The following MAGT1 variants were observed in gnomAD, a reference collection of about 807,000 sequenced individuals.
The protein encoded by MAGT1 is dolichyl-diphosphooligosaccharide--protein glycosyltransferase subunit MAGT1.
MAGT1 carries 4 observed loss-of-function variants against 28.4 expected under a neutral mutation model. The ratio of observed to expected loss-of-function variants is 0.14; its 90% CI spans 0.07 to 0.32. The LOEUF is 0.32. Among genes scored for constraint, MAGT1 ranks in the 10% least tolerant of loss-of-function variants. MAGT1 has a pLI of 1.00. For synonymous variants in MAGT1, 89 were observed against 89.7 expected, an observed-to-expected ratio of 0.99 and a Z score of 0.04; for missense variants, 193 against 264.5, an observed-to-expected ratio of 0.73 and a Z score of 1.88.
intron 7 of MAGT1, among the ~76,000 whole-genome samples, chrX:77,853,682 C>T (rs1450264828): frequency 8.9e-6 from 1 of 111,924 alleles, no homozygotes; most frequent in Non-Finnish European, 1.9e-5. Flanking sequence ...TACAGTATTC[C>T]TCATATTAAT....
intron 3 of MAGT1, among the ~76,000 whole-genome samples, chrX:77,860,015 C>G (rs1225250084): frequency 1.1e-4 from 12 of 112,381 alleles, no homozygotes; most frequent in African/African-American, 3.9e-4. Context: ...TTATCATTAT[C>G]ATACTATTAA....
chrX:77,855,316 A>G (rs1310861293), intron 6 of MAGT1, among the ~76,000 whole-genome samples, 185 bp downstream of exon 6: 3 of 111,425 alleles, frequency 2.7e-5, no homozygotes, highest in African/African-American at 9.8e-5. Context: ...TCCGTTTCGA[A>G]AAAAAGAAGA....
intron 2 of MAGT1, among the ~76,000 whole-genome samples, chrX:77,872,422 T>C (rs1267479254): frequency 8.9e-6 from 1 of 112,230 alleles, no homozygotes; most frequent in Non-Finnish European, 1.9e-5. Flanking sequence ...GAAATCACTG[T>C]TGCTTTCTTA....
At chrX:77,883,230 TAGC>T (rs1331015847) in intron 1 of MAGT1, among the ~76,000 whole-genome samples, 1 of 105,285 alleles carries the variant, frequency 9.5e-6, no homozygotes, top group East Asian at 2.9e-4. Flanking sequence ...TGTGTCTTTA[TAGC>T]AGCATGATTT....
intron 8 of MAGT1, among the ~76,000 whole-genome samples, chrX:77,832,914 A>G (rs782190975): frequency 1.9e-4 from 21 of 109,993 alleles, no homozygotes; most frequent in Non-Finnish European, 3.2e-4. Context: ...TGCCTTTTCT[A>G]ATTGTTACAC....
intron 3 of MAGT1, among the ~76,000 whole-genome samples, chrX:77,866,862 A>G (rs2077009767): frequency 1.5e-5 from 1 of 66,050 alleles, no homozygotes; most frequent in Non-Finnish European, 4.1e-5. Flanking sequence ...GATATTTTGC[A>G]GACTCTGCAC....
chrX:77,876,150 ATATATATATATATATTTT>A (rs1180052268), intron 1 of MAGT1, among the ~76,000 whole-genome samples: 1 of 29,981 alleles, frequency 3.3e-5, no homozygotes, highest in Non-Finnish European at 6.1e-5. Flanking sequence ...ATATATATAT[ATATATATATATATATTTT>A]TTTTTTTTTT....
chrX:77,879,686 T>A (rs1468186283), intron 1 of MAGT1, among the ~76,000 whole-genome samples: 2 of 111,052 alleles, frequency 1.8e-5, no homozygotes, highest in Non-Finnish European at 3.8e-5. Context: ...AAATTTATAA[T>A]CAGTGAAATT....
At chrX:77,883,922 G>A (rs781931655) in intron 1 of MAGT1, among the ~76,000 whole-genome samples, 1 of 111,295 alleles carries the variant, frequency 9.0e-6, no homozygotes, top group South Asian at 3.7e-4. Flanking sequence ...GCTGGGAGTG[G>A]TGGCTCATAC....
At chrX:77,886,055 C>T (rs2077067263) in intron 1 of MAGT1, among the ~76,000 whole-genome samples, 1 of 111,155 alleles carries the variant, frequency 9.0e-6, no homozygotes, top group Non-Finnish European at 1.9e-5. Flanking sequence ...ACTCCTGGCC[C>T]CAATAGACAC....
rs868967460 is a variant in MAGT1, at chrX:77,834,270, G to T, written c.902-3375C>A. 2.6e-5 allele frequency among the ~76,000 whole-genome samples: 2 copies of T among 77,021 alleles called. 1 individual carries two copies. The highest frequency in any genetic ancestry group is 5.4e-5 in the Non-Finnish European group (2 of 37,215). 66.9% of individuals were successfully genotyped at this position (77,021 alleles called of 115,157 possible). The stretch of plus-strand genomic sequence containing the variant: ...CATATATATACATGTGTGTATATAT[G>T]CATATATGTATATATATGCATATAT... On this transcript the variant is annotated intron_variant, in intron 8 of 9. Coordinates refer to ENST00000618282, the MANE Select transcript of MAGT1 (RefSeq NM_001367916.1).
chrX:77,855,621 T>C lies in MAGT1; in HGVS notation c.673-31A>G, dbSNP rs370149695. Reference sequence around the variant, plus strand: ...AAACAAAAAAATAATAAAATATTCATGGTCAAACTGTTCTTGTCTTGATTA... The same window carrying C: ...AAACAAAAAAATAATAAAATATTCACGGTCAAACTGTTCTTGTCTTGATTA... On this transcript the variant is annotated intron_variant, in intron 5 of 9. Transcript: ENST00000618282. 3.9e-6 allele frequency: 4 copies of C among 1,024,980 alleles called. No homozygotes were observed. The African/African-American group carries it at 5.6e-5, about 14-fold the overall frequency. 84.5% of individuals were successfully genotyped at this position (1,024,980 alleles called of 1,213,427 possible).
At chrX:77,839,017 G>A (rs185294934) in intron 8 of MAGT1, among the ~76,000 whole-genome samples, 1 of 109,863 alleles carries the variant, frequency 9.1e-6, no homozygotes, top group Admixed American at 9.9e-5. Context: ...AAATTACAAT[G>A]AAATGGCTGG....
chrX:77,893,461 A>C (rs2077089716), intron 1 of MAGT1, among the ~76,000 whole-genome samples: 1 of 111,785 alleles, frequency 8.9e-6, no homozygotes. Flanking sequence ...TATACAATTC[A>C]GTGCTGATTC....
Position 77,830,893 on chromosome X carries a change from T to C in MAGT1, c.904A>G (p.Met302Val), listed in dbSNP as rs890032923. 14 of 1,093,069 alleles carry C rather than the reference T, an allele frequency of 1.3e-5. No homozygotes were observed. Among genetic ancestry groups the C allele is most frequent in the Non-Finnish European group, 1.7e-5 (14 of 814,453 alleles). The allele number at this position is 1,093,069 out of a possible 1,213,427, so 90.1% of individuals were successfully genotyped here. A position where few individuals can be genotyped will look rare whatever the true frequency, so the allele number is the denominator to read the frequency against. Residue 302 changes from methionine to valine, a missense_variant and splice_region_variant, in exon 9 of 10, where the codon ATG becomes GTG. Coordinates refer to ENST00000618282, the MANE Select transcript of MAGT1 (RefSeq NM_001367916.1). ...ACAAGTCCAATACCAGCCACACACATTACTGCAGAAAAATAAAAGGAGAGT... is the reference window on the plus strand; with the variant it reads ...ACAAGTCCAATACCAGCCACACACACTACTGCAGAAAAATAAAAGGAGAGT... Reference protein sequence around the residue: ...SDMDIGKRKIMCVAGIGLVVL... With the variant: ...SDMDIGKRKIVCVAGIGLVVL...
chrX:77,895,060 G>A (rs1050020832), intron 1 of MAGT1, among the ~76,000 whole-genome samples: 1 of 111,186 alleles, frequency 9.0e-6, no homozygotes, highest in Non-Finnish European at 1.9e-5. Context: ...AAAACTCATA[G>A]CTATGCACAT....
At chrX:77,868,595 C>A (rs1557217054) in intron 3 of MAGT1, 1 of 254,345 alleles carries the variant, frequency 3.9e-6, no homozygotes, top group Non-Finnish European at 7.6e-6. Flanking sequence ...CGAGATCAAG[C>A]CACTGCACTC....
At chrX:77,892,409 C>G in intron 1 of MAGT1, among the ~76,000 whole-genome samples, 1 of 111,833 alleles carries the variant, frequency 8.9e-6, no homozygotes. Flanking sequence ...GGAGGAAAAA[C>G]TAAATCATCT....
Position 77,857,447 on chromosome X carries a change from T to C in MAGT1, c.441A>G (p.Lys147=). ...ACTCATATGTATCACCCCGTTTGGGTTTCCCTTTTGCAGGAAAGTTGATGA... is the reference window on the plus strand; with the variant it reads ...ACTCATATGTATCACCCCGTTTGGGCTTCCCTTTTGCAGGAAAGTTGATGA... The part of the protein sequence containing the change: ...PTFINFPAKG[K]PKRGDTYELQ... Residue 147 remains lysine (K), a synonymous_variant, in exon 4 of 10, where the codon AAA becomes AAG. Transcript: ENST00000618282. 1 of 1,211,809 alleles carries C rather than the reference T, an allele frequency of 8.3e-7. No individual in the cohort carries two copies. The highest frequency in any genetic ancestry group is 1.1e-6 in the Non-Finnish European group (1 of 895,415).
Sources: allele counts gnomAD v4.1 joint callset (sites outside exome capture counted in the v4.1 genomes callset), GRCh38; gene constraint gnomAD v4.1.1; transcripts MANE v1.5; gene names NCBI Gene and HGNC (gene_info 2026-07-23, HGNC 2026-07-21).